EMC3: variants seen among roughly 807,000 people sequenced by gnomAD.
EMC3 encodes 30 kDa protein.
A neutral mutation model predicts 36.6 loss-of-function variants in EMC3; 13 were observed. That is an observed-to-expected ratio of 0.35 (90% CI 0.23 to 0.56). EMC3 has a LOEUF of 0.56. Ranked by LOEUF, EMC3 falls within the 20% of genes least tolerant of loss-of-function variation. The pLI is 0.84. For missense variants in EMC3, 220 were observed against 324.5 expected (o/e 0.68, Z 2.47); for synonymous variants, 120 against 111.9 (o/e 1.07, Z -0.46).
intron 3 of EMC3, among the ~76,000 whole-genome samples, chr3:9,975,720 G>A (rs773306005): frequency 6.6e-5 from 10 of 151,004 alleles, no homozygotes; most frequent in Non-Finnish European, 1.3e-4. Flanking sequence ...GCTGAGGCAG[G>A]AGAATCGCGT....
intron 1 of EMC3, among the ~76,000 whole-genome samples, chr3:9,982,079 T>C (rs369681740): frequency 6.8e-6 from 1 of 147,886 alleles, no homozygotes; most frequent in East Asian, 2.0e-4. Context: ...GCCCGCAGAG[T>C]AGCTGGGACT....
intron 7 of EMC3, chr3:9,968,697 T>G (rs1575672936): frequency 6.6e-6 from 1 of 152,094 alleles, no homozygotes; most frequent in African/African-American, 2.4e-5. Flanking sequence ...CAGGCTGGAG[T>G]GCAGTGGCAC....
At chr3:9,980,658 G>A (rs1575682324) in intron 1 of EMC3, among the ~76,000 whole-genome samples, 1 of 151,922 alleles carries the variant, frequency 6.6e-6, no homozygotes, top group Non-Finnish European at 1.5e-5. Flanking sequence ...AAAGTGCTGG[G>A]ATTACAGGCG....
At chr3:9,979,131 C>G (rs1280387068) in intron 1 of EMC3, among the ~76,000 whole-genome samples, 1 of 152,172 alleles carries the variant, frequency 6.6e-6, no homozygotes, top group Non-Finnish European at 1.5e-5. Flanking sequence ...ATACAGTTCT[C>G]TACTTTATCT....
chr3:9,969,818 A>G lies in EMC3; in HGVS notation c.575-17T>C. On this transcript the variant is annotated splice_polypyrimidine_tract_variant and intron_variant, in intron 6 of 7. Transcript: ENST00000245046. ...GGTCAGCGGCTGTAGCATAAGACACACTTACATGAGTGCCAGGACTCAGCA... is the reference window on the plus strand; with the variant it reads ...GGTCAGCGGCTGTAGCATAAGACACGCTTACATGAGTGCCAGGACTCAGCA... 6.2e-7 allele frequency: 1 copy of G among 1,612,176 alleles called. No homozygotes were observed. Among genetic ancestry groups the G allele is most frequent in the South Asian group, 1.1e-5 (1 of 90,950 alleles).
chr3:10,006,733 C>A, intron 1 of EMC3: 1 of 301,784 alleles, frequency 3.3e-6, no homozygotes, highest in Non-Finnish European at 6.6e-6. Flanking sequence ...GCAGAGTGAC[C>A]AGAGTCAATG....
In EMC3 at chr3:9,973,257, C is replaced by G. The variant is rs546468299; in HGVS notation, c.494+371G>C. 3.3e-5 allele frequency among the ~76,000 whole-genome samples: 5 copies of G among 151,376 alleles called. No homozygotes were observed. In the South Asian group the frequency reaches 1.0e-3, roughly 32 times the overall value. ...TCGCCCAGGCTGGAGTGCAGTGGCG[C>G]AATCTCAGCTCACTGCAAGCTCCGC... is the stretch of plus-strand genomic sequence containing the variant. On this transcript the variant is annotated intron_variant, in intron 5 of 7. Coordinates refer to ENST00000245046, the MANE Select transcript of EMC3 (RefSeq NM_001394674.1).
intron 1 of EMC3, among the ~76,000 whole-genome samples, chr3:10,001,336 C>T (rs1267108052): frequency 2.0e-5 from 3 of 146,632 alleles, no homozygotes; most frequent in Non-Finnish European, 4.5e-5. Context: ...CCGAGGTGGG[C>T]GGATCACGAG....
chr3:9,977,125 C>A (rs2085858367), intron 2 of EMC3, 75 bp from the exon 3 acceptor site: 10 of 1,218,808 alleles, frequency 8.2e-6, no homozygotes, highest in Admixed American at 2.1e-5. Context: ...TCCCCAGTGG[C>A]TTAGTCAGAA....
At chr3:9,977,127 T>A in intron 2 of EMC3, 77 bp from the exon 3 acceptor site, 1 of 1,166,124 alleles carries the variant, frequency 8.6e-7, no homozygotes, top group Non-Finnish European at 1.2e-6. Context: ...CCCAGTGGCT[T>A]AGTCAGAAGG....
chr3:9,979,437 T>C (rs2085886848), intron 1 of EMC3, among the ~76,000 whole-genome samples: 1 of 151,758 alleles, frequency 6.6e-6, no homozygotes, highest in Non-Finnish European at 1.5e-5. Context: ...AGCTCTGGAG[T>C]TGAACACATG....
chr3:9,987,770 T>C (rs961654915), upstream of EMC3: 17 of 477,342 alleles, frequency 3.6e-5, no homozygotes, highest in African/African-American at 3.0e-4. Flanking sequence ...TTCTCACAAC[T>C]CTATTTTTCA....
chr3:10,001,843 A>G (rs2086204577), intron 1 of EMC3, among the ~76,000 whole-genome samples: 1 of 151,604 alleles, frequency 6.6e-6, no homozygotes. Flanking sequence ...TGAAAATACA[A>G]AAAAAGTTAG....
chr3:10,001,106 C>T (rs56271597), intron 1 of EMC3, among the ~76,000 whole-genome samples: 33,094 of 151,736 alleles, frequency 0.22, 4,136 homozygotes, highest in African/African-American at 0.34. Context: ...CTCTTATTTT[C>T]TTAAATTTAG....
intron 1 of EMC3, chr3:10,008,232 G>T: frequency 4.8e-6 from 2 of 420,156 alleles, no homozygotes; most frequent in Non-Finnish European, 9.0e-6. Flanking sequence ...ACTATCACTG[G>T]ACGAGGCCAG....
intron 1 of EMC3, among the ~76,000 whole-genome samples, chr3:9,984,442 T>C (rs1046071787): frequency 1.1e-4 from 16 of 151,484 alleles, no homozygotes; most frequent in African/African-American, 3.9e-4. Flanking sequence ...CAGGTTGAAG[T>C]GCAGTGGCGC....
chr3:9,999,752 G>C (rs1204733513), intron 1 of EMC3, among the ~76,000 whole-genome samples: 4 of 152,142 alleles, frequency 2.6e-5, no homozygotes, highest in Non-Finnish European at 5.9e-5. Context: ...AGAGTGTAAA[G>C]AATTCAAGAG....
chr3:9,988,262 T>C, upstream of EMC3: 1 of 632,026 alleles, frequency 1.6e-6, no homozygotes, highest in Non-Finnish European at 2.9e-6. Context: ...ATCTTATACA[T>C]GAGGTTGTCA....
At chr3:10,000,728 T>C in intron 1 of EMC3, 1 of 477,050 alleles carries the variant, frequency 2.1e-6, no homozygotes, top group Non-Finnish European at 4.2e-6. Context: ...TTTTCTTCCA[T>C]ACCCTTGGGA....
Sources: gnomAD v4.1 joint callset for allele counts (sites outside exome capture counted in the v4.1 genomes callset) on GRCh38, gnomAD v4.1.1 for gene constraint, MANE v1.5 for transcripts, NCBI Gene and HGNC (gene_info 2026-07-23, HGNC 2026-07-21) for gene names.